NCOA7: variants seen among roughly 807,000 people sequenced by gnomAD.
The protein encoded by NCOA7 is 140 kDa estrogen receptor-associated protein.
A neutral mutation model predicts 104.3 loss-of-function variants in NCOA7; 45 were observed. The observed-to-expected ratio is 0.43, with a 90% CI of 0.34 to 0.55. NCOA7 has a LOEUF of 0.55. Among genes scored for constraint, NCOA7 ranks in the 20% least tolerant of loss-of-function variants. NCOA7 has a pLI of 0.02. For synonymous variants in NCOA7, 398 were observed against 402.3 expected, an observed-to-expected ratio of 0.99 and a Z score of 0.13; for missense variants, 1,041 against 1,119.7, an observed-to-expected ratio of 0.93 and a Z score of 1.00.
chr6:125,806,824 CT>C (rs1562794169), intron 1 of NCOA7, among the ~76,000 whole-genome samples: 1 of 152,090 alleles, frequency 6.6e-6, no homozygotes, highest in Non-Finnish European at 1.5e-5. Flanking sequence ...AAGTACTTTC[CT>C]TTGGGGCATC....
intron 2 of NCOA7, among the ~76,000 whole-genome samples, chr6:125,840,885 T>G (rs1357985035): frequency 9.1e-4 from 26 of 28,512 alleles, no homozygotes; most frequent in African/African-American, 2.4e-3. Context: ...TTTTTTTTTT[T>G]TTTTTTTTTT....
intron 2 of NCOA7, among the ~76,000 whole-genome samples, chr6:125,832,653 A>T (rs901170807): frequency 9.2e-5 from 14 of 152,204 alleles, no homozygotes; most frequent in African/African-American, 3.4e-4. Context: ...TAGGGCCCTT[A>T]AGGGCCTAGC....
At chr6:125,888,003 G>A (rs1784375379) in intron 8 of NCOA7, among the ~76,000 whole-genome samples, 1 of 152,090 alleles carries the variant, frequency 6.6e-6, no homozygotes, top group Non-Finnish European at 1.5e-5. Flanking sequence ...TGCCATGGTG[G>A]TTTGCTGCTC....
chr6:125,825,771 G>A (rs1167969106), intron 2 of NCOA7, among the ~76,000 whole-genome samples: 6 of 152,072 alleles, frequency 3.9e-5, no homozygotes, highest in Admixed American at 3.9e-4. Context: ...CGGGGAGATA[G>A]TTCTTCTACT....
chr6:125,852,571 G>A (rs1441554703), intron 2 of NCOA7, among the ~76,000 whole-genome samples: 1 of 152,152 alleles, frequency 6.6e-6, no homozygotes, highest in Non-Finnish European at 1.5e-5. Context: ...TCCATCTTGA[G>A]TTGATTTTTA....
chr6:125,840,942 G>A (rs1370528679), intron 2 of NCOA7, among the ~76,000 whole-genome samples: 1 of 119,444 alleles, frequency 8.4e-6, no homozygotes. Flanking sequence ...ACCCAGGCTG[G>A]AGTGCAGTGG....
intron 8 of NCOA7, among the ~76,000 whole-genome samples, chr6:125,887,509 T>C (rs1784348694): frequency 6.6e-6 from 1 of 152,210 alleles, no homozygotes; most frequent in Non-Finnish European, 1.5e-5. Flanking sequence ...TAAATTGAAA[T>C]GAATTATAAA....
intron 3 of NCOA7, among the ~76,000 whole-genome samples, chr6:125,868,913 C>G (rs1217251585): frequency 6.6e-6 from 1 of 152,084 alleles, no homozygotes; most frequent in Admixed American, 6.5e-5. Context: ...GAGAGCTGGT[C>G]GTTCATGGGT....
intron 1 of NCOA7, among the ~76,000 whole-genome samples, chr6:125,792,390 T>C (rs1262593188): frequency 1.3e-5 from 2 of 152,228 alleles, no homozygotes; most frequent in African/African-American, 2.4e-5. Flanking sequence ...CTTGCAAAAT[T>C]TCCAGTCTCA....
At chr6:125,908,807 A>G (rs529299662) in intron 10 of NCOA7, among the ~76,000 whole-genome samples, 6 of 152,376 alleles carry the variant, frequency 3.9e-5, no homozygotes, top group Non-Finnish European at 8.8e-5. Flanking sequence ...GTCACCAGAA[A>G]GGGAAATGAC....
chr6:125,888,549 A>G (rs1485445840), intron 8 of NCOA7, among the ~76,000 whole-genome samples: 1 of 152,190 alleles, frequency 6.6e-6, no homozygotes, highest in Non-Finnish European at 1.5e-5. Flanking sequence ...CATTTAAGGA[A>G]TTTTAGACAT....
intron 2 of NCOA7, among the ~76,000 whole-genome samples, chr6:125,849,312 T>A (rs1432154581): frequency 6.6e-6 from 1 of 152,184 alleles, no homozygotes; most frequent in African/African-American, 2.4e-5. Flanking sequence ...TACACCATTA[T>A]AATATAAAAA....
chr6:125,894,215 TC>T (rs972154348), intron 10 of NCOA7, among the ~76,000 whole-genome samples: 5 of 152,128 alleles, frequency 3.3e-5, no homozygotes, highest in African/African-American at 9.7e-5. Context: ...CATGGCCTCT[TC>T]CCACTATCTG....
At chr6:125,822,467 T>C (rs1778273681) in intron 2 of NCOA7, among the ~76,000 whole-genome samples, 1 of 152,200 alleles carries the variant, frequency 6.6e-6, no homozygotes, top group Admixed American at 6.5e-5. Flanking sequence ...AGGTAATGAA[T>C]CTGTTGTTCA....
At chr6:125,916,560 C>T (rs1271928198) in intron 11 of NCOA7, among the ~76,000 whole-genome samples, 2 of 152,210 alleles carry the variant, frequency 1.3e-5, no homozygotes, top group Admixed American at 1.3e-4. Context: ...TAGGTCTACC[C>T]CTCCTTCCTG....
intron 1 of NCOA7, among the ~76,000 whole-genome samples, chr6:125,805,087 C>CTTTTTTTTTTTTTTT (rs59737297): frequency 1.7e-5 from 1 of 58,050 alleles, no homozygotes; most frequent in African/African-American, 6.2e-5. Flanking sequence ...CCCTCTTGTT[C>CTTTTTTTTTTTTTTT]TTTTTTTTTT....
At chr6:125,869,064 A>ACTAT (rs1782664074) in intron 3 of NCOA7, among the ~76,000 whole-genome samples, 1 of 152,226 alleles carries the variant, frequency 6.6e-6, no homozygotes, top group Non-Finnish European at 1.5e-5. Context: ...AAGGCTACGT[A>ACTAT]CTATCTTTTC....
intron 11 of NCOA7, among the ~76,000 whole-genome samples, chr6:125,919,917 A>G (rs180968880): frequency 1.7e-4 from 26 of 152,332 alleles, no homozygotes; most frequent in Non-Finnish European, 2.8e-4. Flanking sequence ...GTTTTTCTCT[A>G]TAATATAAAA....
At chr6:125,790,538 T>A (rs1031222904), upstream of NCOA7, among the ~76,000 whole-genome samples, 4 of 151,966 alleles carry the variant, frequency 2.6e-5, no homozygotes, top group Non-Finnish European at 1.5e-5. Flanking sequence ...CAGCCGCGGG[T>A]AGCCGGGGTG....
Sources: gnomAD v4.1 joint callset for allele counts (sites outside exome capture counted in the v4.1 genomes callset) on GRCh38, gnomAD v4.1.1 for gene constraint, MANE v1.5 for transcripts, NCBI Gene and HGNC (gene_info 2026-07-23, HGNC 2026-07-21) for gene names.